Variants in CNTN3 observed in about 807,000 individuals in gnomAD.
CNTN3 encodes the protein contactin-3.
In CNTN3, 60 loss-of-function variants were observed where a neutral mutation model predicts 119.1. That is an observed-to-expected ratio of 0.50 (90% CI 0.41 to 0.62). CNTN3 has a LOEUF of 0.62. Ranked by LOEUF, CNTN3 falls within the 20% of genes least tolerant of loss-of-function variation. CNTN3 has a pLI of 0.00. For synonymous variants in CNTN3, 450 were observed against 438.7 expected, an observed-to-expected ratio of 1.03 and a Z score of -0.32; for missense variants, 1,101 against 1,242.4, an observed-to-expected ratio of 0.89 and a Z score of 1.71.
At chr3:74,476,464 TAACAAGAATC>T (rs1049046019) in intron 4 of CNTN3, among the ~76,000 whole-genome samples, 2 of 152,128 alleles carry the variant, frequency 1.3e-5, no homozygotes, top group African/African-American at 4.8e-5. Context: ...AAACAGAGGC[TAACAAGAATC>T]AAATGTTTGT....
At chr3:74,500,177 A>C (rs1056253909) in intron 2 of CNTN3, among the ~76,000 whole-genome samples, 3 of 152,056 alleles carry the variant, frequency 2.0e-5, no homozygotes, top group Non-Finnish European at 4.4e-5. Context: ...TTTTCATAAA[A>C]TCGGCTTGGC....
intron 1 of CNTN3, among the ~76,000 whole-genome samples, chr3:74,541,024 G>GA (rs1703835691): frequency 6.6e-6 from 1 of 151,992 alleles, no homozygotes; most frequent in Non-Finnish European, 1.5e-5. Flanking sequence ...AAATATTACT[G>GA]AAAATCTCAC....
At chr3:74,481,315 C>A (rs1282732042) in intron 4 of CNTN3, among the ~76,000 whole-genome samples, 1 of 151,598 alleles carries the variant, frequency 6.6e-6, no homozygotes, top group Non-Finnish European at 1.5e-5. Context: ...TTTTTAAGGA[C>A]ATATGAATCA....
intron 4 of CNTN3, among the ~76,000 whole-genome samples, chr3:74,472,957 C>A (rs1358979948): frequency 2.0e-5 from 3 of 152,052 alleles, no homozygotes; most frequent in Non-Finnish European, 4.4e-5. Flanking sequence ...CAGATATAGC[C>A]AGCCACTCTG....
At position 74,481,984 on chromosome 3, in the gene CNTN3, A is replaced by C. The variant is rs1575768812; in HGVS notation, c.358+4472T>G. Reference sequence around the variant, plus strand: ...TCCTGGAAAAAATACAACTTATCACAAAGAAATAATACTCAATACATTCAA... The same window carrying C: ...TCCTGGAAAAAATACAACTTATCACCAAGAAATAATACTCAATACATTCAA... On this transcript the variant is annotated intron_variant, in intron 4 of 22. Transcript: ENST00000263665. 4.6e-5 allele frequency among the ~76,000 whole-genome samples: 7 copies of C among 152,040 alleles called. No individual in the cohort carries two copies. In the South Asian group the frequency reaches 1.4e-3, roughly 31 times the overall value.
At chr3:74,436,306 T>A (rs942858175) in intron 4 of CNTN3, among the ~76,000 whole-genome samples, 1 of 152,190 alleles carries the variant, frequency 6.6e-6, no homozygotes, top group African/African-American at 2.4e-5. Flanking sequence ...TTTAGGTCTG[T>A]CTGCTCAGTA....
chr3:74,497,500 T>C (rs572074948), intron 3 of CNTN3, among the ~76,000 whole-genome samples: 3 of 152,088 alleles, frequency 2.0e-5, no homozygotes, highest in Admixed American at 6.6e-5. Context: ...TTTCTTAGAA[T>C]GAAACGAGCT....
chr3:74,370,293 C>T (rs986606400), intron 6 of CNTN3, among the ~76,000 whole-genome samples: 5 of 152,000 alleles, frequency 3.3e-5, no homozygotes, highest in African/African-American at 1.2e-4. Flanking sequence ...CATTTAAGAA[C>T]TTTGGATTTG....
In CNTN3 at chr3:74,499,697, C is replaced by T. The variant is rs200916417; in HGVS notation, c.144G>A (p.Leu48=). Residue 48 remains leucine (L), a synonymous_variant, in exon 3 of 23, where the codon TTG becomes TTA. Coordinates refer to ENST00000263665, the MANE Select transcript of CNTN3 (RefSeq NM_020872.3). ...ATGGATTGCCTCTTGCTTCACAATG[C>T]AAAGTTATTTTTTTATCTTCTGAAC... is the stretch of plus-strand genomic sequence containing the variant. ...PVGSEDKKIT[L]HCEARGNPSP... 2 of 1,611,150 alleles carry T rather than the reference C, an allele frequency of 1.2e-6. No individual in the cohort carries two copies. The highest frequency in any genetic ancestry group is 1.7e-5 in the Admixed American group (1 of 59,800).
intron 1 of CNTN3, among the ~76,000 whole-genome samples, chr3:74,594,382 C>A (rs1226653415): frequency 1.3e-5 from 2 of 149,138 alleles, no homozygotes; most frequent in Non-Finnish European, 3.0e-5. Context: ...CATGCTGGTG[C>A]ACTGCACCCA....
intron 13 of CNTN3, among the ~76,000 whole-genome samples, chr3:74,325,001 T>G (rs932473285): frequency 6.6e-6 from 1 of 152,172 alleles, no homozygotes; most frequent in African/African-American, 2.4e-5. Context: ...ACATGCACAT[T>G]AATACATGTA....
chr3:74,360,022 G>A (rs1321994312), intron 11 of CNTN3, among the ~76,000 whole-genome samples: 1 of 152,112 alleles, frequency 6.6e-6, no homozygotes, highest in African/African-American at 2.4e-5. Context: ...GCATTTGGTT[G>A]GATTATGGTG....
chr3:74,613,505 C>G (rs1559679652), intron 1 of CNTN3, among the ~76,000 whole-genome samples: 1 of 152,060 alleles, frequency 6.6e-6, no homozygotes, highest in East Asian at 1.9e-4. Flanking sequence ...GTTTGCTGTC[C>G]TTACCGTAGC....
At chr3:74,412,358 A>C (rs1427807800) in intron 5 of CNTN3, among the ~76,000 whole-genome samples, 1 of 152,226 alleles carries the variant, frequency 6.6e-6, no homozygotes, top group African/African-American at 2.4e-5. Flanking sequence ...ATTACTTCAG[A>C]AAAAGTATGT....
chr3:74,420,088 C>T (rs1317263757), intron 5 of CNTN3, among the ~76,000 whole-genome samples: 1 of 152,130 alleles, frequency 6.6e-6, no homozygotes, highest in Non-Finnish European at 1.5e-5. Flanking sequence ...CATAGAGGTG[C>T]TGGATTGCTC....
At chr3:74,314,994 T>C (rs1000903811) in intron 13 of CNTN3, among the ~76,000 whole-genome samples, 5 of 152,174 alleles carry the variant, frequency 3.3e-5, no homozygotes, top group Admixed American at 1.3e-4. Context: ...AAAGATCCCA[T>C]TGGTAAAACA....
At chr3:74,541,776 A>G (rs562700092) in intron 1 of CNTN3, among the ~76,000 whole-genome samples, 22 of 152,306 alleles carry the variant, frequency 1.4e-4, no homozygotes, top group Non-Finnish European at 2.5e-4. Context: ...TGTATGAAAA[A>G]ATGTTTCACT....
chr3:74,477,122 G>A (rs1190741612), intron 4 of CNTN3, among the ~76,000 whole-genome samples: 1 of 152,080 alleles, frequency 6.6e-6, no homozygotes, highest in African/African-American at 2.4e-5. Context: ...TGCATTATGT[G>A]CTAGACAGTG....
At chr3:74,430,269 G>A (rs1701761589) in intron 4 of CNTN3, among the ~76,000 whole-genome samples, 1 of 152,096 alleles carries the variant, frequency 6.6e-6, no homozygotes. Context: ...ATGGCTAAAT[G>A]CACAGTGCTA....
Sources: gnomAD v4.1 joint callset for allele counts (sites outside exome capture counted in the v4.1 genomes callset) on GRCh38, gnomAD v4.1.1 for gene constraint, MANE v1.5 for transcripts, NCBI Gene and HGNC (gene_info 2026-07-23, HGNC 2026-07-21) for gene names.